Variants in PCDH15 observed in about 807,000 individuals in gnomAD.
PCDH15 encodes the protein protocadherin-15.
In PCDH15, 129 loss-of-function variants were observed where a neutral mutation model predicts 178.5. The ratio of observed to expected loss-of-function variants is 0.72; its 90% confidence interval spans 0.63 to 0.84. The LOEUF (loss-of-function observed/expected upper bound fraction) is 0.84. PCDH15 is among the 40% of genes least tolerant of loss of function. The probability of loss-of-function intolerance (pLI) is 0.00; values close to 1 mark genes in which losing one functional copy is unlikely to be tolerated. For missense variants in PCDH15, 2,230 were observed against 2,099.9 expected (o/e 1.06, Z -1.21); for synonymous variants, 800 against 732.0 (o/e 1.09, Z -1.50).
chr10:54,111,180 C>G (rs1234114722), intron 15 of PCDH15, among the ~76,000 whole-genome samples: 2 of 152,068 alleles, frequency 1.3e-5, no homozygotes, highest in East Asian at 3.9e-4. Context: ...GCATGTGAAG[C>G]AATAAATAGC....
chr10:53,991,089 C>A (rs1193613985), intron 21 of PCDH15, among the ~76,000 whole-genome samples: 1 of 152,146 alleles, frequency 6.6e-6, no homozygotes, highest in East Asian at 1.9e-4. Flanking sequence ...TGGCCGAACC[C>A]CCCCCACCCC....
At chr10:54,840,775 T>G (rs1953404385) in intron 3 of PCDH15, among the ~76,000 whole-genome samples, 1 of 151,396 alleles carries the variant, frequency 6.6e-6, no homozygotes, top group African/African-American at 2.4e-5. Flanking sequence ...GAGAGCAGAG[T>G]AGGAATACTT....
intron 2 of PCDH15, among the ~76,000 whole-genome samples, chr10:55,590,974 A>C (rs12241857): frequency 0.33 from 49,573 of 151,918 alleles, 8,594 homozygotes; most frequent in East Asian, 0.49. Context: ...CCTATCATTA[A>C]AATTTAATAT....
intron 1 of PCDH15, among the ~76,000 whole-genome samples, chr10:54,758,326 T>A (rs566508956): frequency 1.3e-5 from 2 of 152,278 alleles, no homozygotes; most frequent in Non-Finnish European, 2.9e-5. Flanking sequence ...GGTAAAATAC[T>A]CTCTCATGAT....
At chr10:54,478,975 A>G (rs2078490377) in intron 3 of PCDH15, among the ~76,000 whole-genome samples, 1 of 151,406 alleles carries the variant, frequency 6.6e-6, no homozygotes, top group African/African-American at 2.4e-5. Context: ...TTAGCACAAT[A>G]TGCTCTACCT....
chr10:54,233,499 G>T (rs1432369680), intron 9 of PCDH15, among the ~76,000 whole-genome samples: 1 of 152,114 alleles, frequency 6.6e-6, no homozygotes, highest in African/African-American at 2.4e-5. Context: ...AATAGAGTTT[G>T]TATTATTTCA....
intron 3 of PCDH15, among the ~76,000 whole-genome samples, chr10:54,815,217 GA>G (rs1271454601): frequency 2.0e-5 from 3 of 151,184 alleles, no homozygotes; most frequent in African/African-American, 7.3e-5. Flanking sequence ...AAAAAATTAA[GA>G]AAAAAGTATG....
chr10:54,702,616 T>A (rs915249634), intron 1 of PCDH15, among the ~76,000 whole-genome samples: 1 of 144,654 alleles, frequency 6.9e-6, no homozygotes, highest in East Asian at 2.0e-4. Flanking sequence ...CTAGAAAAAC[T>A]GATAAATTCC....
chr10:55,549,734 A>G (rs1841966264), intron 2 of PCDH15, among the ~76,000 whole-genome samples: 1 of 152,180 alleles, frequency 6.6e-6, no homozygotes, highest in African/African-American at 2.4e-5. Flanking sequence ...TCCTGCCTTA[A>G]GTCTCTAAAC....
At chr10:55,289,463 G>A (rs1842955312) in intron 1 of PCDH15, among the ~76,000 whole-genome samples, 1 of 151,454 alleles carries the variant, frequency 6.6e-6, no homozygotes, top group Non-Finnish European at 1.5e-5. Flanking sequence ...GGAATGGAAG[G>A]AGAGAGTGAG....
At chr10:55,187,435 G>A (rs2589423) in intron 1 of PCDH15, among the ~76,000 whole-genome samples, 30,954 of 151,962 alleles carry the variant, frequency 0.2, 3,915 homozygotes, top group Admixed American at 0.33. Flanking sequence ...TGTGTGTCTT[G>A]TGAATATGTG....
chr10:54,293,440 T>C (rs963691771), intron 8 of PCDH15, among the ~76,000 whole-genome samples: 3 of 152,126 alleles, frequency 2.0e-5, no homozygotes, highest in African/African-American at 7.2e-5. Context: ...CCAAAAGCAA[T>C]GGCACTAAAA....
intron 2 of PCDH15, among the ~76,000 whole-genome samples, chr10:55,405,573 A>C (rs1300049224): frequency 6.6e-6 from 1 of 151,760 alleles, no homozygotes; most frequent in African/African-American, 2.4e-5. Flanking sequence ...CATGCAACTA[A>C]TTACAAAAGG....
intron 10 of PCDH15, among the ~76,000 whole-genome samples, chr10:54,198,504 T>G: frequency 5.3e-5 from 1 of 18,824 alleles, no homozygotes; most frequent in East Asian, 4.9e-3. Context: ...TCTTTTTTTT[T>G]TTTTTTTTTT....
At chr10:55,390,622 A>G (rs2132012960) in intron 2 of PCDH15, among the ~76,000 whole-genome samples, 1 of 152,338 alleles carries the variant, frequency 6.6e-6, no homozygotes, top group East Asian at 1.9e-4. Context: ...CAGAGGGATC[A>G]GTTTCTACTG....
chr10:54,750,394 C>T (rs1946069940), intron 1 of PCDH15, among the ~76,000 whole-genome samples: 1 of 152,026 alleles, frequency 6.6e-6, no homozygotes, highest in African/African-American at 2.4e-5. Context: ...CTCTAGTCAA[C>T]TAACCAAAGG....
At chr10:54,037,831 G>A (rs867679873) in intron 18 of PCDH15, among the ~76,000 whole-genome samples, 1 of 152,046 alleles carries the variant, frequency 6.6e-6, no homozygotes, top group Non-Finnish European at 1.5e-5. Flanking sequence ...AGTCTGAGGA[G>A]TCTAAATGGA....
chr10:54,531,470 C>G (rs2083919115), intron 2 of PCDH15, among the ~76,000 whole-genome samples: 2 of 152,018 alleles, frequency 1.3e-5, no homozygotes, highest in African/African-American at 4.8e-5. Flanking sequence ...GATACTAAGC[C>G]TGTGATACTC....
At chr10:54,725,371 T>G (rs67761524) in intron 1 of PCDH15, among the ~76,000 whole-genome samples, 18,312 of 150,190 alleles carry the variant, frequency 0.12, 1,244 homozygotes, top group African/African-American at 0.17. Context: ...GAAGTTTAAT[T>G]CAAAATTACA....
Sources: allele counts gnomAD v4.1 joint callset (sites outside exome capture counted in the v4.1 genomes callset), GRCh38; gene constraint gnomAD v4.1.1; transcripts MANE v1.5; gene names NCBI Gene and HGNC (gene_info 2026-07-23, HGNC 2026-07-21).